Variants in C1QTNF8 observed in about 807,000 individuals in gnomAD.
C1QTNF8 encodes C1q and TNF related 8.
A neutral mutation model predicts 19.2 loss-of-function variants in C1QTNF8; 27 were observed. The observed-to-expected ratio is 1.41, with a 90% CI of 1.04 to 1.94. The LOEUF (loss-of-function observed/expected upper bound fraction) is 1.94, where lower values mean the gene tolerates loss of function less well. C1QTNF8 is among the 30% of genes most tolerant of loss of function. The pLI is 0.00. For synonymous variants in C1QTNF8, 208 were observed against 172.8 expected (o/e 1.20, Z -1.60); for missense variants, 484 against 374.4 (o/e 1.29, Z -2.42).
Position 1,094,037 on chromosome 16 carries a change from C to A in C1QTNF8, c.223G>T (p.Ala75Ser). The change falls in exon 4 of 5, where the codon GCC becomes TCC. Residue 75 changes from alanine to serine, a missense_variant. Coordinates refer to ENST00000328449, the MANE Select transcript of C1QTNF8 (RefSeq NM_207419.3). ...IEILKGEKGE[A>S]GVRGRAGRSG... ...CTGCCGGCCCGACCTCGGACGCCGG[C>A]CTCACCCTTCTCACCTGCAGGGGAC... 6.8e-7 allele frequency: 1 copy of A among 1,465,836 alleles called. No individual in the cohort carries two copies. Among genetic ancestry groups the A allele is most frequent in the African/African-American group, 1.5e-5 (1 of 67,466 alleles). The allele number at this position is 1,465,836 out of a possible 1,614,324, so 90.8% of individuals were successfully genotyped here. A position where few individuals can be genotyped will look rare whatever the true frequency, so the allele number is the denominator to read the frequency against.
At position 1,093,726 on chromosome 16, in the gene C1QTNF8, G is replaced by T; in HGVS notation, c.534C>A (p.Thr178=). Residue 178 remains threonine (T), a synonymous_variant, in exon 4 of 5, where the codon ACC becomes ACA. Coordinates refer to ENST00000328449, the MANE Select transcript of C1QTNF8 (RefSeq NM_207419.3). Reference sequence around the variant, plus strand: ...GCCGGTTCAGCATGATGTGCAGGTAGGTCTCCTTGTAGTTCCAGGTGTGCA... The same window carrying T: ...GCCGGTTCAGCATGATGTGCAGGTATGTCTCCTTGTAGTTCCAGGTGTGCA... ...LNVHTWNYKE[T]YLHIMLNRRP... 6.2e-7 allele frequency: 1 copy of T among 1,612,290 alleles called. No individual in the cohort carries two copies. The highest frequency in any genetic ancestry group is 8.5e-7 in the Non-Finnish European group (1 of 1,179,688).
rs1280526344 is a variant in C1QTNF8 at position 1,093,422 on chromosome 16, A to AC, written c.*4+74dup. On this transcript the variant is annotated intron_variant, in intron 4 of 4. Coordinates refer to ENST00000328449, the MANE Select transcript of C1QTNF8 (RefSeq NM_207419.3). Reference sequence around the variant, plus strand: ...CACCCACACACACACACCCACACCCACCCCCACACACACACACACAGACAC... The same window carrying AC: ...CACCCACACACACACACCCACACCCACCCCCCACACACACACACACAGACAC... 1.5e-4 allele frequency: 67 copies of AC among 451,408 alleles called. 1 individual carries two copies. In the African/African-American group the frequency reaches 5.1e-3, roughly 34 times the overall value. The allele number at this position is 451,408 out of a possible 1,614,324, so 28.0% of individuals were successfully genotyped here. A position where few individuals can be genotyped will look rare whatever the true frequency, so the allele number is the denominator to read the frequency against.
chr16:1,088,674 C>T lies in C1QTNF8; in HGVS notation c.*1925G>A, dbSNP rs1256598926. Among the ~76,000 whole-genome samples the T allele has an allele frequency of 6.7e-6, 1 of 149,026 alleles. No homozygotes were observed. The highest frequency in any genetic ancestry group is 2.5e-5 in the African/African-American group (1 of 39,988). On this transcript the variant is annotated 3_prime_UTR_variant, in exon 5 of 5. Coordinates refer to ENST00000328449, the MANE Select transcript of C1QTNF8 (RefSeq NM_207419.3). ...GGGATGCAGGTCCTGCTGTCTGAGGCTCTCACAGGCATCTCCCCACCCCGG... is the reference window on the plus strand; with the variant it reads ...GGGATGCAGGTCCTGCTGTCTGAGGTTCTCACAGGCATCTCCCCACCCCGG...
chr16:1,093,642 G>C lies in C1QTNF8; in HGVS notation c.618C>G (p.Ser206Arg). Reference protein sequence around the residue: ...PSERSVMQAQSLMLLLAAGDA... With the variant: ...PSERSVMQAQRLMLLLAAGDA... ...CGCCCGCCGCCAGCAGCAGCATCAG[G>C]CTCTGGGCCTGCATGACGCTGCGCT... The change falls in exon 4 of 5, where the codon AGC (serine) becomes AGG (arginine). Residue 206 changes from serine to arginine, a missense_variant. Transcript: ENST00000328449. 1 of 1,610,610 alleles carries C rather than the reference G, an allele frequency of 6.2e-7. No individual in the cohort carries two copies. Among genetic ancestry groups the C allele is most frequent in the Non-Finnish European group, 8.5e-7 (1 of 1,178,910 alleles).
intron 4 of C1QTNF8, among the ~76,000 whole-genome samples, chr16:1,093,216 G>A (rs1338947655): frequency 6.9e-6 from 1 of 145,308 alleles, no homozygotes. Context: ...CACAGTCGGC[G>A]CTCAACCAAT....
intron 4 of C1QTNF8, among the ~76,000 whole-genome samples, chr16:1,092,184 C>T (rs1206406549): frequency 6.6e-6 from 1 of 152,236 alleles, no homozygotes; most frequent in East Asian, 1.9e-4. Flanking sequence ...TGCGCCAGCC[C>T]CTGTGAGGGC....
intron 1 of C1QTNF8, 64 bp from the exon 2 acceptor site, chr16:1,095,852 C>A (rs910169106): frequency 7.9e-5 from 12 of 152,324 alleles, no homozygotes; most frequent in African/African-American, 2.7e-4. Flanking sequence ...CTGCCTGCCT[C>A]CCCATGAGCT....
chr16:1,091,048 G>A (rs1960533907), intron 4 of C1QTNF8, among the ~76,000 whole-genome samples: 1 of 152,296 alleles, frequency 6.6e-6, no homozygotes, highest in African/African-American at 2.4e-5. Flanking sequence ...CAGTACTGGT[G>A]GGGGCCCCTG....
In C1QTNF8 at chr16:1,089,714, C is replaced by T. The variant is rs1960504071; in HGVS notation, c.*885G>A. Among the ~76,000 whole-genome samples, 4 of 152,218 alleles carry T rather than the reference C, an allele frequency of 2.6e-5. No homozygotes were observed. The South Asian group carries it at 6.2e-4, about 24-fold the overall frequency. ...GCAGCCAGGACCAGGCTGTGGGCTT[C>T]TCTCCTGGCACCTCTTAGCGCCACC... On this transcript the variant is annotated 3_prime_UTR_variant, in exon 5 of 5. Coordinates refer to ENST00000328449, the MANE Select transcript of C1QTNF8 (RefSeq NM_207419.3).
At chr16:1,094,076 G>C (rs766156851) in intron 3 of C1QTNF8, 25 bp from the exon 4 acceptor site, 103 of 1,413,304 alleles carry the variant, frequency 7.3e-5, no homozygotes, top group Non-Finnish European at 8.9e-5. Flanking sequence ...CGAAAGCCAC[G>C]GGTCGGGGCC....
At chr16:1,095,553 C>T (rs150657055) in intron 2 of C1QTNF8, 62 bp downstream of exon 2, 2 of 152,240 alleles carry the variant, frequency 1.3e-5, no homozygotes, top group Non-Finnish European at 2.9e-5. Flanking sequence ...GCAAGGTAGG[C>T]CCCCTCCCAA....
At chr16:1,093,270 G>C (rs1182933726) in intron 4 of C1QTNF8, among the ~76,000 whole-genome samples, 1 of 137,362 alleles carries the variant, frequency 7.3e-6, no homozygotes, top group African/African-American at 3.1e-5. Flanking sequence ...CACACAGTCG[G>C]CGCTCAACAA....
rs1960493823 is a variant in C1QTNF8 at position 1,089,234 on chromosome 16, G to A, written c.*1365C>T. Among the ~76,000 whole-genome samples the A allele has an allele frequency of 1.3e-5, 2 of 152,128 alleles. No homozygotes were observed. Among genetic ancestry groups the A allele is most frequent in the African/African-American group, 4.8e-5 (2 of 41,442 alleles). On this transcript the variant is annotated 3_prime_UTR_variant, in exon 5 of 5. Coordinates refer to ENST00000328449, the MANE Select transcript of C1QTNF8 (RefSeq NM_207419.3). The stretch of plus-strand genomic sequence containing the variant: ...TGGCTCCCATCTCCCATCCAGCCCT[G>A]CTCTCTCACCGGGGCCAAGAACCTC...
chr16:1,092,316 C>T (rs1311486269), intron 4 of C1QTNF8, among the ~76,000 whole-genome samples: 1 of 151,932 alleles, frequency 6.6e-6, no homozygotes, highest in East Asian at 1.9e-4. Context: ...TGCACACAGT[C>T]GGCGCTCAAT....
chr16:1,094,725 T>A lies in C1QTNF8; in HGVS notation c.198A>T (p.Glu66Asp). The A allele has an allele frequency of 6.3e-7, 1 of 1,591,342 alleles. No individual in the cohort carries two copies. Among genetic ancestry groups the A allele is most frequent in the Non-Finnish European group, 8.5e-7 (1 of 1,169,878 alleles). The change falls in exon 3 of 5, where the codon GAA becomes GAT. Residue 66 changes from glutamate (E) to aspartate (D), a missense_variant. By Grantham distance (45) the Glu-to-Asp change is conservative (BLOSUM62 2). Transcript: ENST00000328449. ...ACCCACGGGCCTCACCTTTGAGGAT[T>A]TCGATGTCTATAGTGGGCCGTACTC... ...LPRVRPTIDIEILKGEKGEAG... is the reference protein window; with the variant it reads ...LPRVRPTIDIDILKGEKGEAG...
In C1QTNF8 at chr16:1,092,418, TGCACACAGTCGGCACTCAACCAATCACA is replaced by T. The variant is rs1455159208; in HGVS notation, c.*4+1051_*4+1078del. Among the ~76,000 whole-genome samples the T allele has an allele frequency of 4.2e-5, 6 of 144,496 alleles. No individual in the cohort carries two copies. In the South Asian group the frequency reaches 1.1e-3, roughly 27 times the overall value. The allele number at this position is 144,496 out of a possible 152,430, so 94.8% of individuals were successfully genotyped here. A position where few individuals can be genotyped will look rare whatever the true frequency, so the allele number is the denominator to read the frequency against. On this transcript the variant is annotated intron_variant, in intron 4 of 4. Coordinates refer to ENST00000328449, the MANE Select transcript of C1QTNF8 (RefSeq NM_207419.3). ...ACACAGTCGGCGCTCAATCAATCAC[TGCACACAGTCGGCACTCAACCAATCACA>T]GCACACAGTCGTCGCTCAACCAATC...
rs751866063 is a variant in C1QTNF8 at position 1,094,757 on chromosome 16, GCCCCCTCCACAGGTC to G, written c.151_165del (p.Asp51_Gly55del). ...TCTATAGTGGGCCGTACTCGAGGCA[GCCCCCTCCACAGGTC>G]CCCCCTCCACAGGTCCCTGTCACTC... On this transcript the variant is annotated inframe_deletion, in exon 3 of 5. Coordinates refer to ENST00000328449, the MANE Select transcript of C1QTNF8 (RefSeq NM_207419.3). 35 of 1,558,032 alleles carry G rather than the reference GCCCCCTCCACAGGTC, an allele frequency of 2.2e-5. No homozygotes were observed. The highest frequency in any genetic ancestry group is 7.5e-5 in the East Asian group (3 of 39,994).
intron 4 of C1QTNF8, among the ~76,000 whole-genome samples, chr16:1,091,855 C>G (rs915906543): frequency 6.9e-6 from 1 of 145,758 alleles, no homozygotes; most frequent in Non-Finnish European, 1.5e-5. Context: ...TCCCGGCCAC[C>G]GTGAGTGCTG....
chr16:1,094,183 C>T, intron 3 of C1QTNF8, 132 bp from the exon 4 acceptor site: 1 of 698,086 alleles, frequency 1.4e-6, no homozygotes, highest in Non-Finnish European at 2.1e-6. Flanking sequence ...CGGCCCCTCT[C>T]CCAGTCTCCG....
Sources: gnomAD v4.1 joint callset for allele counts (sites outside exome capture counted in the v4.1 genomes callset) on GRCh38, gnomAD v4.1.1 for gene constraint, MANE v1.5 for transcripts, NCBI Gene and HGNC (gene_info 2026-07-23, HGNC 2026-07-21) for gene names.